The following TADA2B variants were observed in gnomAD, a reference collection of about 807,000 sequenced individuals.
TADA2B encodes transcriptional adapter 2-beta.
Under a neutral mutation model 34.5 loss-of-function variants are expected in TADA2B, and 13 were observed. The ratio of observed to expected loss-of-function variants is 0.38; its 90% CI spans 0.25 to 0.60. TADA2B has a LOEUF of 0.60. Ranked by LOEUF, TADA2B falls within the 20% of genes least tolerant of loss-of-function variation. The probability of loss-of-function intolerance (pLI) is 0.65; values close to 1 mark genes in which losing one functional copy is unlikely to be tolerated. For synonymous variants in TADA2B, 240 were observed against 243.4 expected, an observed-to-expected ratio of 0.99 and a Z score of 0.13; for missense variants, 442 against 575.0, an observed-to-expected ratio of 0.77 and a Z score of 2.37.
chr4:7,048,384 T>C (rs10937781), intron 1 of TADA2B, among the ~76,000 whole-genome samples: 146,586 of 152,080 alleles, frequency 0.96, 70,688 homozygotes, highest in East Asian at 1. Context: ...GGATGCCTGG[T>C]TTACCTGAGT....
At chr4:7,044,529 C>T (rs1175120974) in intron 1 of TADA2B, among the ~76,000 whole-genome samples, 3 of 152,168 alleles carry the variant, frequency 2.0e-5, no homozygotes, top group African/African-American at 7.2e-5. Flanking sequence ...GCGGTGAGAG[C>T]TGGACTGGAT....
Position 7,055,178 on chromosome 4 carries a change from A to G in TADA2B, c.*124A>G, listed in dbSNP as rs999396930. On this transcript the variant is annotated 3_prime_UTR_variant, in exon 2 of 2. Transcript: ENST00000310074. ...AACAAATTGAGTTCCTTTTTTTAAGATAGAAATTCTTTTCATGGTCCTCTG... is the reference window on the plus strand; with the variant it reads ...AACAAATTGAGTTCCTTTTTTTAAGGTAGAAATTCTTTTCATGGTCCTCTG... The G allele has an allele frequency of 6.4e-5, 65 of 1,018,896 alleles. No individual in the cohort carries two copies. The highest frequency in any genetic ancestry group is 1.7e-5 in the Non-Finnish European group (12 of 710,416). 63.1% of individuals were successfully genotyped at this position (1,018,896 alleles called of 1,614,324 possible). A position where few individuals can be genotyped will look rare whatever the true frequency, so the allele number is the denominator to read the frequency against.
intron 1 of TADA2B, 66 bp downstream of exon 1, chr4:7,043,915 C>G (rs893200328): frequency 1.4e-6 from 2 of 1,417,288 alleles, no homozygotes; most frequent in Non-Finnish European, 1.8e-6. Flanking sequence ...CTCCTGTAAT[C>G]GGGCGCGCAG....
intron 1 of TADA2B, among the ~76,000 whole-genome samples, chr4:7,051,290 G>A (rs535125309): frequency 6.6e-6 from 1 of 152,298 alleles, no homozygotes; most frequent in East Asian, 1.9e-4. Flanking sequence ...CCGAGCACAC[G>A]CTGTGGCCGC....
chr4:7,053,315 A>C (rs1434114594), intron 1 of TADA2B: 2 of 152,326 alleles, frequency 1.3e-5, no homozygotes, highest in African/African-American at 2.4e-5. Context: ...AGGAATGATG[A>C]ATGCTTTCAG....
rs768057126 is a variant in TADA2B, at chr4:7,054,625, G to T, written c.834G>T (p.Met278Ile). The change falls in exon 2 of 2, where the codon ATG becomes ATT. Residue 278 changes from methionine to isoleucine, a missense_variant. By Grantham distance (10) the Met-to-Ile change is conservative. This residue lies in a region of TADA2B where 222 missense variants were observed against 235.2 expected (regional missense o/e 0.94). Coordinates refer to ENST00000310074, the MANE Select transcript of TADA2B (RefSeq NM_152293.3). Reference sequence around the variant, plus strand: ...AGTTTGATGACCTTTTTGAAAACATGCACAAAGAAAAAATGCTCCGGGCCA... The same window carrying T: ...AGTTTGATGACCTTTTTGAAAACATTCACAAAGAAAAAATGCTCCGGGCCA... ...CKEFDDLFEN[M>I]HKEKMLRAKI... 6.2e-7 allele frequency: 1 copy of T among 1,613,872 alleles called. No homozygotes were observed. The highest frequency in any genetic ancestry group is 1.3e-5 in the African/African-American group (1 of 75,042).
intron 1 of TADA2B, among the ~76,000 whole-genome samples, chr4:7,047,515 G>A (rs1476869392): frequency 1.3e-5 from 2 of 152,238 alleles, no homozygotes; most frequent in Non-Finnish European, 2.9e-5. Context: ...CAGACACATC[G>A]ATGGTCACTG....
rs959901156 is a variant in TADA2B, at chr4:7,054,151, G to A, written c.360G>A (p.Gly120=). ...GCATGTACATCCACGGGAACCTGGGGAAGGCCTGCATCCCCGACACCATCC... is the reference window on the plus strand; with the variant it reads ...GCATGTACATCCACGGGAACCTGGGAAAGGCCTGCATCCCCGACACCATCC... ...YVSMYIHGNL[G]KACIPDTIPN... The change falls in exon 2 of 2, where the codon GGG becomes GGA. Residue 120 remains glycine, a synonymous_variant. Coordinates refer to ENST00000310074, the MANE Select transcript of TADA2B (RefSeq NM_152293.3). 6.9e-6 allele frequency: 11 copies of A among 1,604,648 alleles called. No homozygotes were observed. The highest frequency in any genetic ancestry group is 1.1e-5 in the South Asian group (1 of 89,394).
intron 1 of TADA2B, among the ~76,000 whole-genome samples, chr4:7,049,854 C>T (rs566476754): frequency 6.6e-6 from 1 of 152,262 alleles, no homozygotes. Flanking sequence ...CATCCCACGC[C>T]TACCTTTGCC....
intron 1 of TADA2B, among the ~76,000 whole-genome samples, chr4:7,051,825 C>A (rs1723776560): frequency 6.6e-6 from 1 of 152,226 alleles, no homozygotes; most frequent in Admixed American, 6.5e-5. Flanking sequence ...TCTCGATCTC[C>A]TGACCTCGTG....
chr4:7,053,991 A>T, intron 1 of TADA2B, 71 bp from the exon 2 acceptor site: 1 of 1,468,930 alleles, frequency 6.8e-7, no homozygotes, highest in South Asian at 1.4e-5. Flanking sequence ...TAAAAACGTG[A>T]AGAGAATCTG....
chr4:7,049,338 G>C (rs11945642), intron 1 of TADA2B, among the ~76,000 whole-genome samples: 39,287 of 152,140 alleles, frequency 0.26, 5,687 homozygotes, highest in African/African-American at 0.41. Context: ...CTCAGCCCCC[G>C]AAAGTGCTGG....
intron 1 of TADA2B, among the ~76,000 whole-genome samples, chr4:7,046,908 G>A (rs557819109): frequency 2.0e-5 from 3 of 152,156 alleles, no homozygotes; most frequent in Non-Finnish European, 4.4e-5. Flanking sequence ...GGGCCTGAAG[G>A]GGACGGGATG....
intron 1 of TADA2B, among the ~76,000 whole-genome samples, chr4:7,051,940 G>T (rs1193063057): frequency 6.6e-6 from 1 of 152,234 alleles, no homozygotes; most frequent in African/African-American, 2.4e-5. Context: ...TGAGAAGTCT[G>T]CAGGCCTCTT....
At chr4:7,046,502 G>A (rs1179190158) in intron 1 of TADA2B, among the ~76,000 whole-genome samples, 2 of 152,332 alleles carry the variant, frequency 1.3e-5, no homozygotes, top group East Asian at 3.9e-4. Context: ...TGGCATTCAT[G>A]TGATAGAGCC....
chr4:7,054,208 C>T lies in TADA2B; in HGVS notation c.417C>T (p.Ser139=), dbSNP rs370535590. The change falls in exon 2 of 2, where the codon AGC becomes AGT. Residue 139 remains serine (S), a synonymous_variant. Transcript: ENST00000310074. ...GCGTGACAGACCACACCTGTCCCAG[C>T]GGAGGCCCCCTCTCACCCAGCCTCA... ...PNRVTDHTCP[S]GGPLSPSLTT... The T allele has an allele frequency of 1.1e-5, 17 of 1,606,008 alleles. No individual in the cohort carries two copies. The highest frequency in any genetic ancestry group is 6.7e-5 in the South Asian group (6 of 90,022).
intron 1 of TADA2B, among the ~76,000 whole-genome samples, chr4:7,050,272 C>T (rs533792394): frequency 1.3e-5 from 2 of 152,354 alleles, no homozygotes; most frequent in East Asian, 3.9e-4. Context: ...GTCCAGTCCC[C>T]TGTCCCATGG....
intron 1 of TADA2B, among the ~76,000 whole-genome samples, chr4:7,049,221 G>A (rs1174590546): frequency 6.6e-6 from 1 of 152,132 alleles, no homozygotes; most frequent in Non-Finnish European, 1.5e-5. Context: ...TGGGACTACA[G>A]GCATGTACCA....
In TADA2B at chr4:7,043,391, A is replaced by AG. The variant is rs1199318017; in HGVS notation, c.-183dup. Reference sequence around the variant, plus strand: ...CGGGCCGGACGGCGCCTGCGTACTGAGGGGGGACGCGGCCCGGCTGGCTGG... The same window carrying AG: ...CGGGCCGGACGGCGCCTGCGTACTGAGGGGGGGACGCGGCCCGGCTGGCTGG... On this transcript the variant is annotated 5_prime_UTR_variant, in exon 1 of 2. Coordinates refer to ENST00000310074, the MANE Select transcript of TADA2B (RefSeq NM_152293.3). 1.2e-3 allele frequency: 176 copies of AG among 148,644 alleles called. No individual in the cohort carries two copies. The highest frequency in any genetic ancestry group is 4.5e-3 in the African/African-American group (171 of 38,016). 9.2% of individuals were successfully genotyped at this position (148,644 alleles called of 1,614,324 possible). A position where few individuals can be genotyped will look rare whatever the true frequency, so the allele number is the denominator to read the frequency against.
Sources: gnomAD v4.1 joint callset for allele counts (sites outside exome capture counted in the v4.1 genomes callset) on GRCh38, gnomAD v4.1.1 for gene constraint, gnomAD v4.1.1 regional missense constraint, MANE v1.5 for transcripts, NCBI Gene and HGNC (gene_info 2026-07-23, HGNC 2026-07-21) for gene names.